The following MAP4K5 variants were observed in gnomAD, a reference collection of about 807,000 sequenced individuals.
The protein encoded by MAP4K5 is MAPK/ERK kinase kinase kinase 5.
In MAP4K5, 82 loss-of-function variants were observed where a neutral mutation model predicts 135.6. The ratio of observed to expected loss-of-function variants is 0.60; its 90% CI spans 0.51 to 0.73. The LOEUF is 0.73. MAP4K5 is among the 30% of genes least tolerant of loss of function. The probability of loss-of-function intolerance (pLI) is 0.00; values close to 1 mark genes in which losing one functional copy is unlikely to be tolerated. For synonymous variants in MAP4K5, 347 were observed against 335.0 expected, an observed-to-expected ratio of 1.04 and a Z score of -0.39; for missense variants, 907 against 1,010.9, an observed-to-expected ratio of 0.90 and a Z score of 1.39.
chr14:50,515,851 G>C (rs905517174), intron 2 of MAP4K5, among the ~76,000 whole-genome samples: 1 of 151,996 alleles, frequency 6.6e-6, no homozygotes, highest in African/African-American at 2.4e-5. Flanking sequence ...TCTATTTCTA[G>C]GGCACATCTC....
At chr14:50,477,635 G>A (rs2037131798) in intron 6 of MAP4K5, among the ~76,000 whole-genome samples, 1 of 152,096 alleles carries the variant, frequency 6.6e-6, no homozygotes, top group Non-Finnish European at 1.5e-5. Context: ...TTATCAGGTT[G>A]ACCAAGTTCC....
At chr14:50,507,718 T>C (rs1432741422) in intron 2 of MAP4K5, among the ~76,000 whole-genome samples, 1 of 152,204 alleles carries the variant, frequency 6.6e-6, no homozygotes, top group African/African-American at 2.4e-5. Flanking sequence ...AGAGACAGTT[T>C]GTTATAATTT....
chr14:50,552,179 A>G lies in MAP4K5; in HGVS notation c.-180+8861T>C, dbSNP rs376002521. Among the ~76,000 whole-genome samples, 172 of 152,346 alleles carry G rather than the reference A, an allele frequency of 1.1e-3. 2 individuals carry two copies. The South Asian group carries it at 0.033, about 29-fold the overall frequency. On this transcript the variant is annotated intron_variant, in intron 1 of 8. Coordinates refer to the MAP4K5 transcript ENST00000555216. The stretch of plus-strand genomic sequence containing the variant: ...AGTAAAGTTTCGGGATACAAAATCA[A>G]TGTACACAAATCAGTAGCACTGCTA...
chr14:50,525,775 C>A (rs534346117), intron 2 of MAP4K5, among the ~76,000 whole-genome samples: 1 of 152,074 alleles, frequency 6.6e-6, no homozygotes, highest in South Asian at 2.1e-4. Context: ...GCCTGGGAGG[C>A]GGAGGGTCTA....
intron 28 of MAP4K5, 21 bp from the exon 29 acceptor site, chr14:50,429,281 GT>G: frequency 6.8e-7 from 1 of 1,478,116 alleles, no homozygotes; most frequent in Non-Finnish European, 9.2e-7. Flanking sequence ...AAAAAACAAG[GT>G]TACAATTATA....
intron 10 of MAP4K5, among the ~76,000 whole-genome samples, chr14:50,467,360 A>AT (rs1463882600): frequency 6.6e-6 from 1 of 152,078 alleles, no homozygotes; most frequent in African/African-American, 2.4e-5. Flanking sequence ...CAAAGGAAAA[A>AT]TAAAAAAAAC....
At chr14:50,503,178 G>A (rs776252751) in intron 3 of MAP4K5, among the ~76,000 whole-genome samples, 4 of 151,778 alleles carry the variant, frequency 2.6e-5, no homozygotes, top group Non-Finnish European at 5.9e-5. Context: ...TCCCCAAAAT[G>A]CAAACAGCAT....
intron 1 of MAP4K5, among the ~76,000 whole-genome samples, chr14:50,546,993 C>T (rs534595817): frequency 6.6e-6 from 1 of 152,154 alleles, no homozygotes; most frequent in Admixed American, 6.5e-5. Flanking sequence ...CCCTAGCCCC[C>T]CACCCCCCAA....
chr14:50,483,725 C>CA (rs59754773), intron 5 of MAP4K5, among the ~76,000 whole-genome samples: 3,254 of 58,426 alleles, frequency 0.056, 53 homozygotes, highest in South Asian at 0.16. Context: ...TTAAAAGTTG[C>CA]AAAAAAAAAA....
At chr14:50,458,518 ATC>A (rs1434940958) in intron 13 of MAP4K5, among the ~76,000 whole-genome samples, 2 of 152,188 alleles carry the variant, frequency 1.3e-5, no homozygotes, top group Non-Finnish European at 2.9e-5. Flanking sequence ...TTAGAAAATT[ATC>A]TCTGTTAAAC....
chr14:50,547,720 C>T (rs1032276604), intron 1 of MAP4K5, among the ~76,000 whole-genome samples: 18 of 152,262 alleles, frequency 1.2e-4, no homozygotes, highest in Non-Finnish European at 2.5e-4. Flanking sequence ...TATCTGCTGC[C>T]GTACCCAATA....
chr14:50,461,172 C>T (rs773299089), intron 13 of MAP4K5, among the ~76,000 whole-genome samples: 3 of 151,972 alleles, frequency 2.0e-5, no homozygotes, highest in Non-Finnish European at 4.4e-5. Flanking sequence ...ACTACAGGCG[C>T]CTGCCATCAC....
intron 1 of MAP4K5, among the ~76,000 whole-genome samples, chr14:50,545,440 A>G (rs553322708): frequency 6.6e-5 from 10 of 152,196 alleles, no homozygotes; most frequent in Non-Finnish European, 1.3e-4. Flanking sequence ...TGGGAATCCC[A>G]GGGTGGTCGA....
intron 11 of MAP4K5, among the ~76,000 whole-genome samples, chr14:50,465,652 G>A (rs1005687383): frequency 1.3e-5 from 2 of 152,146 alleles, no homozygotes; most frequent in Non-Finnish European, 2.9e-5. Context: ...GGAAGTAAAG[G>A]AAGATAGAGC....
At chr14:50,473,136 TA>T (rs542430947) in intron 9 of MAP4K5, among the ~76,000 whole-genome samples, 139 of 152,184 alleles carry the variant, frequency 9.1e-4, no homozygotes, top group Non-Finnish European at 1.3e-3. Context: ...ATGAATGAAT[TA>T]AAAATGTATT....
At chr14:50,493,292 C>CATG (rs952594316) in intron 3 of MAP4K5, among the ~76,000 whole-genome samples, 1 of 152,104 alleles carries the variant, frequency 6.6e-6, no homozygotes, top group African/African-American at 2.4e-5. Flanking sequence ...TTAGTAGAGA[C>CATG]ATGATCTCCA....
intron 10 of MAP4K5, 79 bp from the exon 11 acceptor site, chr14:50,466,724 T>TTA: frequency 2.9e-6 from 2 of 694,396 alleles, no homozygotes; most frequent in Non-Finnish European, 5.2e-6. Flanking sequence ...TGTAATGAAT[T>TTA]TATACAAGAC....
chr14:50,520,104 C>A (rs978293993), intron 2 of MAP4K5, among the ~76,000 whole-genome samples: 2 of 152,148 alleles, frequency 1.3e-5, no homozygotes, highest in Non-Finnish European at 2.9e-5. Context: ...GTGGCTCACA[C>A]CTGTAATCCT....
chr14:50,545,987 A>C (rs2140152759), intron 1 of MAP4K5, among the ~76,000 whole-genome samples: 1 of 152,206 alleles, frequency 6.6e-6, no homozygotes, highest in South Asian at 2.1e-4. Context: ...CCTGCTTTGA[A>C]TCTGTTGTTA....
Sources: gnomAD v4.1 joint callset for allele counts (sites outside exome capture counted in the v4.1 genomes callset) on GRCh38, gnomAD v4.1.1 for gene constraint, MANE v1.5 for transcripts, NCBI Gene and HGNC (gene_info 2026-07-23, HGNC 2026-07-21) for gene names.